The following PRKD1 variants were observed in gnomAD, a reference collection of about 807,000 sequenced individuals.
PRKD1 encodes the protein protein kinase D1.
PRKD1 carries 63 observed loss-of-function variants against 95.9 expected under a neutral mutation model. The ratio of observed to expected loss-of-function variants is 0.66; its 90% CI spans 0.54 to 0.81. The LOEUF (loss-of-function observed/expected upper bound fraction) is 0.81, where lower values mean the gene tolerates loss of function less well. Among genes scored for constraint, PRKD1 ranks in the 30% least tolerant of loss-of-function variants. The pLI, the probability that PRKD1 is intolerant of heterozygous loss-of-function variation, is 0.00. For synonymous variants in PRKD1, 425 were observed against 423.1 expected (o/e 1.00, Z -0.05); for missense variants, 1,048 against 1,165.3 (o/e 0.90, Z 1.47).
chr14:29,920,947 G>A (rs1012783806), intron 1 of PRKD1, among the ~76,000 whole-genome samples: 6 of 152,258 alleles, frequency 3.9e-5, no homozygotes, highest in African/African-American at 1.4e-4. Context: ...ATCTCCCTAC[G>A]TCATTTCCAA....
intron 1 of PRKD1, among the ~76,000 whole-genome samples, chr14:29,835,860 C>G (rs1891593358): frequency 1.3e-5 from 2 of 152,214 alleles, no homozygotes; most frequent in South Asian, 4.1e-4. Flanking sequence ...TGAGCCACCA[C>G]ACCCAGCCTG....
At position 29,891,658 on chromosome 14, in the gene PRKD1, GTT is replaced by G. The variant is rs373117528; in HGVS notation, c.264+35589_264+35590del. Among the ~76,000 whole-genome samples, 135 of 138,702 alleles carry G rather than the reference GTT, an allele frequency of 9.7e-4. 3 individuals carry two copies. The highest frequency in any genetic ancestry group is 3.4e-3 in the African/African-American group (130 of 38,016). 91.0% of individuals were successfully genotyped at this position (138,702 alleles called of 152,430 possible). On this transcript the variant is annotated intron_variant, in intron 1 of 17. Transcript: ENST00000331968. ...TACTACTGGATGGTAAATTTTTGGG[GTT>G]TTTTTTTTTTCGTTTAAATCCCTTT...
At chr14:29,630,408 G>T (rs948233499) in intron 10 of PRKD1, among the ~76,000 whole-genome samples, 1 of 152,038 alleles carries the variant, frequency 6.6e-6, no homozygotes, top group Admixed American at 6.6e-5. Flanking sequence ...CTAAGAGCTG[G>T]GTTTAGAGGT....
chr14:29,739,556 G>A (rs1886891958), intron 1 of PRKD1, among the ~76,000 whole-genome samples: 1 of 152,154 alleles, frequency 6.6e-6, no homozygotes. Context: ...AGAAAAGTCT[G>A]CCTGGAATCT....
chr14:29,876,967 C>G (rs1893318530), intron 1 of PRKD1, among the ~76,000 whole-genome samples: 1 of 152,082 alleles, frequency 6.6e-6, no homozygotes, highest in South Asian at 2.1e-4. Flanking sequence ...GCCTGGCCAA[C>G]ATGGTGAAAC....
chr14:29,653,676 CT>C (rs1033870879), intron 4 of PRKD1, among the ~76,000 whole-genome samples: 1 of 151,838 alleles, frequency 6.6e-6, no homozygotes, highest in African/African-American at 2.4e-5. Flanking sequence ...GGTTAAGTCT[CT>C]ATACAGTAAG....
chr14:29,797,942 T>C (rs187438221), intron 1 of PRKD1, among the ~76,000 whole-genome samples: 1 of 152,256 alleles, frequency 6.6e-6, no homozygotes, highest in African/African-American at 2.4e-5. Context: ...ACCCAACCCA[T>C]ATATACCAGT....
intron 1 of PRKD1, among the ~76,000 whole-genome samples, chr14:29,747,907 C>T (rs1300045508): frequency 6.6e-6 from 1 of 151,860 alleles, no homozygotes; most frequent in East Asian, 1.9e-4. Flanking sequence ...CTACGCCCAG[C>T]TAATTTTTGT....
At chr14:29,648,950 G>A (rs537016116) in intron 4 of PRKD1, among the ~76,000 whole-genome samples, 4 of 152,122 alleles carry the variant, frequency 2.6e-5, no homozygotes, top group East Asian at 1.9e-4. Context: ...CACCATGCCC[G>A]GCCTGGCTGG....
chr14:29,775,565 G>C (rs35786792), intron 1 of PRKD1, among the ~76,000 whole-genome samples: 26,358 of 152,134 alleles, frequency 0.17, 2,447 homozygotes, highest in South Asian at 0.22. Context: ...AGCAGTCTGA[G>C]ATCAAACTGC....
chr14:29,726,931 G>A (rs1886181964), intron 1 of PRKD1, among the ~76,000 whole-genome samples: 1 of 152,108 alleles, frequency 6.6e-6, no homozygotes, highest in South Asian at 2.1e-4. Context: ...GGATGGCTGG[G>A]TCAAATGGTA....
chr14:29,774,610 C>A (rs1555343425), intron 1 of PRKD1, among the ~76,000 whole-genome samples: 1 of 152,174 alleles, frequency 6.6e-6, no homozygotes, highest in Non-Finnish European at 1.5e-5. Flanking sequence ...AGTGGTGGAA[C>A]TGGAATTTGG....
intron 1 of PRKD1, among the ~76,000 whole-genome samples, chr14:29,755,985 C>T (rs2139473806): frequency 6.6e-6 from 1 of 152,236 alleles, no homozygotes; most frequent in East Asian, 1.9e-4. Flanking sequence ...ATTCCCATAG[C>T]TACTCCCCAA....
At chr14:29,809,366 G>A (rs1195990524) in intron 1 of PRKD1, among the ~76,000 whole-genome samples, 1 of 152,180 alleles carries the variant, frequency 6.6e-6, no homozygotes, top group Non-Finnish European at 1.5e-5. Flanking sequence ...CCTCTGCTTG[G>A]AGGCTTTGAA....
At chr14:29,876,150 T>A (rs1460902590) in intron 1 of PRKD1, among the ~76,000 whole-genome samples, 4 of 152,228 alleles carry the variant, frequency 2.6e-5, no homozygotes, top group African/African-American at 9.6e-5. Context: ...TCCAAGGCTA[T>A]TCACTATTCA....
At chr14:29,772,436 C>CTT (rs1888552655) in intron 1 of PRKD1, among the ~76,000 whole-genome samples, 1 of 152,154 alleles carries the variant, frequency 6.6e-6, no homozygotes, top group Admixed American at 6.5e-5. Context: ...TCATCTTGGA[C>CTT]TTGTGAGCAA....
chr14:29,719,215 C>T (rs1885769510), intron 2 of PRKD1, among the ~76,000 whole-genome samples: 1 of 152,050 alleles, frequency 6.6e-6, no homozygotes, highest in South Asian at 2.1e-4. Flanking sequence ...GAATTGTGAA[C>T]TTATGATGGG....
At chr14:29,656,067 A>C (rs1040525881) in intron 4 of PRKD1, among the ~76,000 whole-genome samples, 11 of 152,196 alleles carry the variant, frequency 7.2e-5, no homozygotes, top group African/African-American at 2.7e-4. Context: ...ATCAGGACAT[A>C]GTTCCAATGT....
At chr14:29,761,842 G>A (rs1888006356) in intron 1 of PRKD1, among the ~76,000 whole-genome samples, 1 of 150,412 alleles carries the variant, frequency 6.6e-6, no homozygotes, top group Non-Finnish European at 1.5e-5. Flanking sequence ...GACTGCGGTG[G>A]CATGATCCTA....
Sources: allele counts gnomAD v4.1 joint callset (sites outside exome capture counted in the v4.1 genomes callset), GRCh38; gene constraint gnomAD v4.1.1; transcripts MANE v1.5; gene names NCBI Gene and HGNC (gene_info 2026-07-23, HGNC 2026-07-21).